The following NRXN3 variants were observed in gnomAD, a reference collection of about 807,000 sequenced individuals.
The protein encoded by NRXN3 is neurexin 3.
NRXN3 carries 32 observed loss-of-function variants against 137.6 expected under a neutral mutation model. That is an observed-to-expected ratio of 0.23 (90% CI 0.18 to 0.31). The LOEUF is 0.31. Ranked by LOEUF, NRXN3 falls within the 10% of genes least tolerant of loss-of-function variation. The probability of loss-of-function intolerance (pLI) is 1.00; values close to 1 mark genes in which losing one functional copy is unlikely to be tolerated. For synonymous variants in NRXN3, 798 were observed against 784.5 expected (o/e 1.02, Z -0.29); for missense variants, 1,574 against 2,062.5 (o/e 0.76, Z 4.59).
At chr14:78,457,047 CG>C (rs201195886) in intron 4 of NRXN3, among the ~76,000 whole-genome samples, 5 of 147,872 alleles carry the variant, frequency 3.4e-5, no homozygotes, top group Non-Finnish European at 4.5e-5. Context: ...CCCTCTCCCC[CG>C]CCACCTCCTC....
At position 78,710,610 on chromosome 14, in the gene NRXN3, G is replaced by A. The variant is rs552118070; in HGVS notation, c.1660+955G>A. On this transcript the variant is annotated intron_variant, in intron 7 of 20. Coordinates refer to ENST00000335750, the MANE Select transcript of NRXN3 (RefSeq NM_001330195.2). ...CATATTTATAGAGATTCACTTTCCT[G>A]ATGAACATTAAAAAGTCTCTATTTG... Among the ~76,000 whole-genome samples, 6 of 152,302 alleles carry A rather than the reference G, an allele frequency of 3.9e-5. No homozygotes were observed. The East Asian group carries it at 1.2e-3, about 29-fold the overall frequency.
intron 16 of NRXN3, among the ~76,000 whole-genome samples, chr14:79,609,354 G>A (rs2098069229): frequency 3.3e-5 from 5 of 152,166 alleles, no homozygotes; most frequent in Admixed American, 3.3e-4. Flanking sequence ...CCCGGATACA[G>A]GGCATGAGAT....
intron 7 of NRXN3, among the ~76,000 whole-genome samples, chr14:78,713,351 G>A (rs1404883637): frequency 6.6e-6 from 1 of 152,040 alleles, no homozygotes; most frequent in East Asian, 1.9e-4. Flanking sequence ...GCCTTTGTAG[G>A]TGCCATCCCC....
chr14:79,496,308 TA>T (rs2153664484), intron 16 of NRXN3, among the ~76,000 whole-genome samples: 1 of 151,898 alleles, frequency 6.6e-6, no homozygotes, highest in East Asian at 1.9e-4. Context: ...CATGGTCATC[TA>T]GTTACTAGCG....
At position 78,967,354 on chromosome 14, in the gene NRXN3, T is replaced by A; in HGVS notation, c.2924T>A (p.Val975Glu). ...NTHSLKVDTKVVTQVINGAKN... is the reference protein window; with the variant it reads ...NTHSLKVDTKEVTQVINGAKN... Reference sequence around the variant, plus strand: ...CATAGCCTGAAAGTGGACACCAAAGTGGTCACTCAGGTTATCAATGGTGCC... The same window carrying A: ...CATAGCCTGAAAGTGGACACCAAAGAGGTCACTCAGGTTATCAATGGTGCC... The change falls in exon 13 of 21, where the codon GTG becomes GAG. Residue 975 changes from valine (V) to glutamate (E), a missense_variant. By Grantham distance (121) the Val-to-Glu change is moderately radical. Transcript: ENST00000335750. 1 of 1,614,028 alleles carries A rather than the reference T, an allele frequency of 6.2e-7. No homozygotes were observed. Among genetic ancestry groups the A allele is most frequent in the Non-Finnish European group, 8.5e-7 (1 of 1,179,968 alleles).
chr14:78,667,341 T>A (rs2097895592), intron 6 of NRXN3, among the ~76,000 whole-genome samples: 1 of 152,186 alleles, frequency 6.6e-6, no homozygotes, highest in Non-Finnish European at 1.5e-5. Context: ...AATGAGATGA[T>A]GCAATAAAGC....
intron 15 of NRXN3, among the ~76,000 whole-genome samples, chr14:79,217,000 G>A (rs2068630343): frequency 6.6e-6 from 1 of 152,054 alleles, no homozygotes; most frequent in Non-Finnish European, 1.5e-5. Flanking sequence ...AGCCAGGCGT[G>A]GTGGCACATG....
In NRXN3 at chr14:79,595,741, T is replaced by G. The variant is rs1420489615; in HGVS notation, c.3445-68037T>G. On this transcript the variant is annotated intron_variant, in intron 16 of 20. Transcript: ENST00000335750. ...TTAGATGTTGAAATAATATTTTGAT[T>G]ATATTGGGCTACACAAAATACATTA... Among the ~76,000 whole-genome samples, 3 of 152,302 alleles carry G rather than the reference T, an allele frequency of 2.0e-5. No homozygotes were observed. The East Asian group carries it at 5.8e-4, about 29-fold the overall frequency.
intron 20 of NRXN3, among the ~76,000 whole-genome samples, chr14:79,847,516 C>T (rs951911415): frequency 6.6e-6 from 1 of 152,222 alleles, no homozygotes; most frequent in Non-Finnish European, 1.5e-5. Context: ...ACCCCTGGGG[C>T]CTCACTTTTC....
chr14:79,507,385 T>C (rs537682179), intron 16 of NRXN3, among the ~76,000 whole-genome samples: 89 of 152,358 alleles, frequency 5.8e-4, no homozygotes, highest in Non-Finnish European at 9.6e-4. Flanking sequence ...TTGCAACTTC[T>C]ATGTGTCTAA....
chr14:79,108,805 G>C (rs1489824864), intron 15 of NRXN3, among the ~76,000 whole-genome samples: 1 of 152,164 alleles, frequency 6.6e-6, no homozygotes, highest in Non-Finnish European at 1.5e-5. Context: ...GAGGCAATTT[G>C]TGATGCACAG....
chr14:78,924,410 G>A lies in NRXN3; in HGVS notation c.2276-32832G>A, dbSNP rs1431897801. ...GCCCTATTGTATTTTAAATGAAGAAGAGATGATAAGAGACATCCCTAAGCT... is the reference window on the plus strand; with the variant it reads ...GCCCTATTGTATTTTAAATGAAGAAAAGATGATAAGAGACATCCCTAAGCT... On this transcript the variant is annotated intron_variant, in intron 10 of 20. Coordinates refer to ENST00000335750, the MANE Select transcript of NRXN3 (RefSeq NM_001330195.2). Among the ~76,000 whole-genome samples the A allele has an allele frequency of 2.0e-5, 3 of 152,136 alleles. No homozygotes were observed. In the East Asian group the frequency reaches 5.8e-4, roughly 29 times the overall value.
intron 10 of NRXN3, among the ~76,000 whole-genome samples, chr14:78,872,061 A>G (rs1023440440): frequency 7.9e-5 from 12 of 151,970 alleles, no homozygotes; most frequent in Admixed American, 6.6e-4. Flanking sequence ...TCACTCTTTT[A>G]GTTGTTTCTT....
intron 15 of NRXN3, among the ~76,000 whole-genome samples, chr14:78,994,194 T>C (rs2099525108): frequency 6.6e-6 from 1 of 152,012 alleles, no homozygotes; most frequent in Admixed American, 6.6e-5. Flanking sequence ...AAACATGGTA[T>C]GGAAGAGGGC....
intron 15 of NRXN3, among the ~76,000 whole-genome samples, chr14:79,136,759 T>C (rs767949691): frequency 6.6e-6 from 1 of 152,174 alleles, no homozygotes; most frequent in Non-Finnish European, 1.5e-5. Context: ...GTACTTTACT[T>C]GGCAAGAATA....
At chr14:78,859,662 T>C (rs1596575108) in intron 10 of NRXN3, among the ~76,000 whole-genome samples, 1 of 152,290 alleles carries the variant, frequency 6.6e-6, no homozygotes, top group East Asian at 1.9e-4. Flanking sequence ...AATCTTAAGC[T>C]TATTTGGGGA....
intron 11 of NRXN3, among the ~76,000 whole-genome samples, chr14:78,958,767 T>C (rs1448852887): frequency 1.3e-5 from 2 of 152,204 alleles, no homozygotes; most frequent in Admixed American, 6.5e-5. Context: ...CATGGGGTAT[T>C]ACATGAAACA....
At chr14:78,497,206 G>A (rs2095799186) in intron 4 of NRXN3, among the ~76,000 whole-genome samples, 1 of 152,130 alleles carries the variant, frequency 6.6e-6, no homozygotes, top group Non-Finnish European at 1.5e-5. Context: ...CTAGGAAAAG[G>A]ACAGTAGAAA....
At chr14:79,721,342 C>T (rs1001996665) in intron 19 of NRXN3, among the ~76,000 whole-genome samples, 1 of 152,026 alleles carries the variant, frequency 6.6e-6, no homozygotes, top group African/African-American at 2.4e-5. Context: ...ATGTGAGCCT[C>T]CTTGGATAAA....
Sources: gnomAD v4.1 joint callset for allele counts (sites outside exome capture counted in the v4.1 genomes callset) on GRCh38, gnomAD v4.1.1 for gene constraint, MANE v1.5 for transcripts, NCBI Gene and HGNC (gene_info 2026-07-23, HGNC 2026-07-21) for gene names.